Variants in XRCC5 observed in about 807,000 individuals in gnomAD.
XRCC5 encodes X-ray repair cross complementing 5.
XRCC5 carries 12 observed loss-of-function variants against 95.7 expected under a neutral mutation model. The ratio of observed to expected loss-of-function variants is 0.13; its 90% confidence interval spans 0.08 to 0.20. The LOEUF is 0.20. Ranked by LOEUF, XRCC5 falls within the 10% of genes least tolerant of loss-of-function variation. The pLI is 1.00. For synonymous variants in XRCC5, 281 were observed against 290.3 expected (o/e 0.97, Z 0.33); for missense variants, 595 against 873.9 (o/e 0.68, Z 4.02).
At position 216,125,945 on chromosome 2, in the gene XRCC5, A is replaced by G. The variant is rs776362734; in HGVS notation, c.712A>G (p.Lys238Glu). Residue 238 changes from lysine (K) to glutamate (E), a missense_variant, in exon 7 of 21, where the codon AAG becomes GAG. By Grantham distance (56) the Lys-to-Glu change is moderately conservative. Around this residue, in one of 2 missense-constraint regions of XRCC5, gnomAD observed 286 missense variants for 491.1 expected, o/e 0.58. Coordinates refer to ENST00000392132, the MANE Select transcript of XRCC5 (RefSeq NM_021141.4). The part of the protein sequence containing the change: ...SESLRKLCVF[K>E]KIERHSIHWP... ...GAGTCTGAGAAAACTGTGCGTCTTC[A>G]AGAAAATTGAGAGGCATTCCATTCA... The G allele has an allele frequency of 1.9e-6, 3 of 1,614,018 alleles. No homozygotes were observed. Among genetic ancestry groups the G allele is most frequent in the Non-Finnish European group, 2.5e-6 (3 of 1,179,868 alleles).
At chr2:216,168,755 G>A (rs1316240094) in intron 16 of XRCC5, among the ~76,000 whole-genome samples, 1 of 152,142 alleles carries the variant, frequency 6.6e-6, no homozygotes, top group Non-Finnish European at 1.5e-5. Flanking sequence ...CTTATAAAGG[G>A]TTACAGCTTG....
chr2:216,171,811 G>C (rs1030848666), intron 16 of XRCC5, among the ~76,000 whole-genome samples: 1 of 152,084 alleles, frequency 6.6e-6, no homozygotes, highest in East Asian at 1.9e-4. Flanking sequence ...TCTGTCTGTG[G>C]TAAATCTCTA....
intron 13 of XRCC5, among the ~76,000 whole-genome samples, chr2:216,142,989 C>T (rs1697195906): frequency 6.6e-6 from 1 of 152,192 alleles, no homozygotes; most frequent in African/African-American, 2.4e-5. Context: ...ATTTACTACA[C>T]CTAACCTACC....
chr2:216,200,075 C>T (rs184703207), intron 19 of XRCC5, among the ~76,000 whole-genome samples: 50 of 152,184 alleles, frequency 3.3e-4, no homozygotes, highest in Non-Finnish European at 6.2e-4. Context: ...GTAAAGTTTT[C>T]TGTGCCTCAC....
At chr2:216,163,241 C>G (rs180904517) in intron 16 of XRCC5, among the ~76,000 whole-genome samples, 1 of 151,830 alleles carries the variant, frequency 6.6e-6, no homozygotes, top group East Asian at 1.9e-4. Context: ...CTCAAGTGAT[C>G]CTCCCACTTC....
chr2:216,142,030 G>A (rs533283533), intron 13 of XRCC5, among the ~76,000 whole-genome samples: 1 of 151,926 alleles, frequency 6.6e-6, no homozygotes, highest in Non-Finnish European at 1.5e-5. Flanking sequence ...CTCCAGCCTG[G>A]GCGGCAGAAT....
intron 14 of XRCC5, among the ~76,000 whole-genome samples, chr2:216,159,483 G>A (rs918998436): frequency 6.6e-6 from 1 of 152,072 alleles, no homozygotes; most frequent in Non-Finnish European, 1.5e-5. Flanking sequence ...AAATTAAAAA[G>A]TTTTCGGGGA....
intron 16 of XRCC5, among the ~76,000 whole-genome samples, chr2:216,171,880 G>A (rs1559255733): frequency 6.6e-6 from 1 of 152,132 alleles, no homozygotes; most frequent in Non-Finnish European, 1.5e-5. Context: ...CTTTATTGAA[G>A]TAAAATCTTC....
intron 1 of XRCC5, among the ~76,000 whole-genome samples, chr2:216,112,009 A>G (rs1324717892): frequency 2.0e-5 from 3 of 152,212 alleles, no homozygotes; most frequent in Non-Finnish European, 4.4e-5. Context: ...GAAGTAAGAT[A>G]GGTGTGGGGA....
At position 216,127,516 on chromosome 2, in the gene XRCC5, T is replaced by G. The variant is rs752170012; in HGVS notation, c.799-20T>G. On this transcript the variant is annotated intron_variant, in intron 7 of 20. Transcript: ENST00000392132. The stretch of plus-strand genomic sequence containing the variant: ...GAATCCTAACTTTCCTTGTTTTCCC[T>G]TTGTGTTTTGGAATGTAAGATTCTA... 2 of 1,574,458 alleles carry G rather than the reference T, an allele frequency of 1.3e-6. No homozygotes were observed. Among genetic ancestry groups the G allele is most frequent in the South Asian group, 1.2e-5 (1 of 84,108 alleles).
intron 14 of XRCC5, among the ~76,000 whole-genome samples, chr2:216,158,840 G>T (rs1484984296): frequency 6.6e-6 from 1 of 152,080 alleles, no homozygotes; most frequent in Non-Finnish European, 1.5e-5. Flanking sequence ...AATTGAGGAA[G>T]CCCATATATG....
At chr2:216,187,273 A>G (rs956754278) in intron 16 of XRCC5, among the ~76,000 whole-genome samples, 1 of 151,738 alleles carries the variant, frequency 6.6e-6, no homozygotes, top group East Asian at 1.9e-4. Flanking sequence ...CTAAATCCAC[A>G]TAGGCCCACA....
chr2:216,196,468 C>G (rs1689722750), intron 19 of XRCC5, among the ~76,000 whole-genome samples: 1 of 152,068 alleles, frequency 6.6e-6, no homozygotes, highest in African/African-American at 2.4e-5. Flanking sequence ...AGTCAAGGTT[C>G]TCCAGAGAAA....
chr2:216,125,626 T>C (rs1696889108), intron 6 of XRCC5, among the ~76,000 whole-genome samples: 1 of 152,148 alleles, frequency 6.6e-6, no homozygotes, highest in South Asian at 2.1e-4. Flanking sequence ...CCTGAAAAAA[T>C]GTTAAGAACC....
chr2:216,147,040 TAA>T (rs1208035066), intron 13 of XRCC5, among the ~76,000 whole-genome samples: 2 of 150,308 alleles, frequency 1.3e-5, no homozygotes, highest in African/African-American at 4.9e-5. Flanking sequence ...ATGGAGCCTA[TAA>T]AAAATATAAA....
chr2:216,204,129 C>T, intron 19 of XRCC5, 193 bp from the exon 20 acceptor site: 2 of 603,670 alleles, frequency 3.3e-6, no homozygotes, highest in East Asian at 2.9e-5. Context: ...ACTACTTGAA[C>T]CTCAAAACTG....
intron 5 of XRCC5, 101 bp downstream of exon 5, chr2:216,119,266 T>G: frequency 7.5e-7 from 1 of 1,334,608 alleles, no homozygotes; most frequent in East Asian, 2.4e-5. Flanking sequence ...AATTTTCGCT[T>G]TCTGCTCCAA....
intron 19 of XRCC5, 167 bp from the exon 20 acceptor site, chr2:216,204,155 G>GC: frequency 1.4e-6 from 1 of 725,656 alleles, no homozygotes; most frequent in South Asian, 1.8e-5. Context: ...CTCACCCAAA[G>GC]CCAAATGAAG....
At chr2:216,187,311 T>A (rs79107875) in intron 16 of XRCC5, among the ~76,000 whole-genome samples, 2 of 152,062 alleles carry the variant, frequency 1.3e-5, no homozygotes. Context: ...TTTTTTTTTT[T>A]ACAAAGAAAC....
Sources: gnomAD v4.1 joint callset for allele counts (sites outside exome capture counted in the v4.1 genomes callset) on GRCh38, gnomAD v4.1.1 for gene constraint, gnomAD v4.1.1 regional missense constraint, MANE v1.5 for transcripts, NCBI Gene and HGNC (gene_info 2026-07-23, HGNC 2026-07-21) for gene names.